SHMT1: variants seen among roughly 807,000 people sequenced by gnomAD.
SHMT1 encodes serine hydroxymethyltransferase, cytosolic.
A neutral mutation model predicts 49.0 loss-of-function variants in SHMT1; 45 were observed. The ratio of observed to expected loss-of-function variants is 0.92; its 90% CI spans 0.72 to 1.18. The LOEUF (loss-of-function observed/expected upper bound fraction) is 1.18, where lower values mean the gene tolerates loss of function less well. Among genes scored for constraint, SHMT1 ranks in the 50% most tolerant of loss-of-function variants. The probability of loss-of-function intolerance (pLI) is 0.00; values close to 1 mark genes in which losing one functional copy is unlikely to be tolerated. For synonymous variants in SHMT1, 232 were observed against 246.6 expected, an observed-to-expected ratio of 0.94 and a Z score of 0.55; for missense variants, 541 against 612.4, an observed-to-expected ratio of 0.88 and a Z score of 1.23.
At position 18,354,285 on chromosome 17, in the gene SHMT1, G is replaced by A. The variant is rs191282795; in HGVS notation, c.97-468C>T. 4.8e-3 allele frequency among the ~76,000 whole-genome samples: 727 copies of A among 152,342 alleles called. 3 individuals are homozygous for A. The highest frequency in any genetic ancestry group is 7.4e-3 in the Non-Finnish European group (503 of 68,038). On this transcript the variant is annotated intron_variant, in intron 2 of 11. Transcript: ENST00000316694. ...AAATACAAAATTAGCCGGGCATGGT[G>A]GCACATGCCTGTAATCCCAGCTACT...
chr17:18,330,690 A>G lies in SHMT1; in HGVS notation c.1055-19T>C, dbSNP rs1219443145. The G allele has an allele frequency of 1.3e-6, 2 of 1,545,902 alleles. No homozygotes were observed. The highest frequency in any genetic ancestry group is 1.8e-6 in the Non-Finnish European group (2 of 1,117,592). ...GAACCACCTGGAAACAAAGTTGGAC[A>G]TGTAGAAATGCAGGCGAATTCTATG... On this transcript the variant is annotated intron_variant, in intron 9 of 11. Coordinates refer to ENST00000316694, the MANE Select transcript of SHMT1 (RefSeq NM_004169.5).
chr17:18,332,939 T>C, intron 9 of SHMT1: 1 of 611,814 alleles, frequency 1.6e-6, no homozygotes, highest in Non-Finnish European at 3.0e-6. Context: ...TGGTGACCAA[T>C]GGCAACCACT....
At chr17:18,330,753 A>G in intron 9 of SHMT1, 82 bp from the exon 10 acceptor site, 1 of 987,648 alleles carries the variant, frequency 1.0e-6, no homozygotes, top group Non-Finnish European at 1.6e-6. Context: ...GCGAGGATGA[A>G]GGCAGTCAAA....
At chr17:18,345,828 GCAC>G (rs1985032443) in intron 5 of SHMT1, among the ~76,000 whole-genome samples, 1 of 151,272 alleles carries the variant, frequency 6.6e-6, no homozygotes, top group South Asian at 2.1e-4. Flanking sequence ...CTACGGGTGT[GCAC>G]CACCACACCT....
In SHMT1 at chr17:18,340,007, A is replaced by G; in HGVS notation, c.814+36T>C. 1 of 1,586,114 alleles carries G rather than the reference A, an allele frequency of 6.3e-7. No homozygotes were observed. Among genetic ancestry groups the G allele is most frequent in the Non-Finnish European group, 8.6e-7 (1 of 1,159,334 alleles). ...AACCCCCACAGGAGAAATGTAAACCATGGTACCCATCTGTACCCAACATTC... is the reference window on the plus strand; with the variant it reads ...AACCCCCACAGGAGAAATGTAAACCGTGGTACCCATCTGTACCCAACATTC... On this transcript the variant is annotated intron_variant, in intron 7 of 11. Transcript: ENST00000316694. The surrounding 1 kb of genome is among the most constrained non-coding windows in gnomAD (Gnocchi z 4.5).
chr17:18,357,688 A>G (rs887125541), intron 1 of SHMT1, among the ~76,000 whole-genome samples: 2 of 151,968 alleles, frequency 1.3e-5, no homozygotes, highest in African/African-American at 2.4e-5. Context: ...GTGTTAATTT[A>G]TTTCATACTT....
rs1986219347 is a variant in SHMT1 at position 18,356,131 on chromosome 17, C to A, written c.-19-131G>T. On this transcript the variant is annotated intron_variant, in intron 1 of 11. Transcript: ENST00000316694. ...GCAGTGGCATGATCTCGGCTCACTG[C>A]AACCTCCGTCTCCCAGGTTCAAGAG... 8.8e-6 allele frequency: 4 copies of A among 455,828 alleles called. No homozygotes were observed. In the Admixed American group the frequency reaches 1.3e-4, roughly 15 times the overall value. The allele number at this position is 455,828 out of a possible 1,614,324, so 28.2% of individuals were successfully genotyped here. A position where few individuals can be genotyped will look rare whatever the true frequency, so the allele number is the denominator to read the frequency against.
intron 1 of SHMT1, among the ~76,000 whole-genome samples, chr17:18,359,313 AG>A (rs1173101934): frequency 2.0e-5 from 3 of 151,444 alleles, no homozygotes; most frequent in Non-Finnish European, 4.4e-5. Flanking sequence ...TCAAGGCAGG[AG>A]GATCCTTTGA....
intron 5 of SHMT1, chr17:18,341,299 T>G (rs11868708): frequency 5.3e-6 from 1 of 188,876 alleles, no homozygotes; most frequent in Non-Finnish European, 1.1e-5. Flanking sequence ...AGGGGCCAAC[T>G]GTTAGAATAA....
intron 7 of SHMT1, among the ~76,000 whole-genome samples, chr17:18,336,695 A>T (rs1329763403): frequency 6.6e-6 from 1 of 152,036 alleles, no homozygotes; most frequent in African/African-American, 2.4e-5. Flanking sequence ...ATGTAATCCC[A>T]GCACTTTGGG....
At chr17:18,354,558 C>G (rs1456654062) in intron 2 of SHMT1, among the ~76,000 whole-genome samples, 1 of 151,168 alleles carries the variant, frequency 6.6e-6, no homozygotes, top group Non-Finnish European at 1.5e-5. Flanking sequence ...ATCGCGCCAT[C>G]GCACTCCAGC....
chr17:18,355,952 C>T lies in SHMT1; in HGVS notation c.30G>A (p.Lys10=), dbSNP rs746485826. The T allele has an allele frequency of 6.2e-7, 1 of 1,614,068 alleles. No homozygotes were observed. The highest frequency in any genetic ancestry group is 8.5e-7 in the Non-Finnish European group (1 of 1,179,964). The part of the protein sequence containing the change: MTMPVNGAH[K]DADLWSSHDK... ...CATGTGAGGACCACAGGTCAGCATC[C>T]TTGTGGGCCCCGTTGACTGGCATCG... The change falls in exon 2 of 12, where the codon AAG becomes AAA. Residue 10 remains lysine, a synonymous_variant. Transcript: ENST00000316694.
chr17:18,328,887 T>A lies in SHMT1; in HGVS notation c.1315A>T (p.Thr439Ser), dbSNP rs777687309. The A allele has an allele frequency of 6.2e-7, 1 of 1,613,972 alleles. No individual in the cohort carries two copies. Among genetic ancestry groups the A allele is most frequent in the Non-Finnish European group, 8.5e-7 (1 of 1,180,018 alleles). Residue 439 changes from threonine to serine, a missense_variant, in exon 12 of 12, where the codon ACT becomes TCT. Transcript: ENST00000316694. The stretch of plus-strand genomic sequence containing the variant: ...TCTTTCAGGGTGGCTCTGACACCAG[T>A]GTCGCTCTGGATCTGCAGGGTCAGC... ...IELTLQIQSD[T>S]GVRATLKEFK...
At position 18,333,215 on chromosome 17, in the gene SHMT1, G is replaced by A. The variant is rs772430489; in HGVS notation, c.1005C>T (p.Cys335=). 1 of 1,614,060 alleles carries A rather than the reference G, an allele frequency of 6.2e-7. No homozygotes were observed. The highest frequency in any genetic ancestry group is 1.1e-5 in the South Asian group (1 of 91,074). ...KVYQHQVVAN[C]RALSEALTEL... is the part of the protein sequence containing the mutation. ...CCGTCAGGGCCTCAGACAGAGCCCT[G>A]CAGTTGGCCACCACCTGGTGTTGAT... Residue 335 remains cysteine (C), a synonymous_variant, in exon 9 of 12, where the codon TGC becomes TGT. Transcript: ENST00000316694.
chr17:18,340,904 A>C lies in SHMT1; in HGVS notation c.520-91T>G. ...ACTTGAACTGGCTCCACCCACCATG[A>C]CAAGAGGAATGATGTCCTAGATGAG... On this transcript the variant is annotated intron_variant, in intron 5 of 11. Coordinates refer to ENST00000316694, the MANE Select transcript of SHMT1 (RefSeq NM_004169.5). This position sits in a 1 kb window ranked among gnomAD's most constrained non-coding sequence, Gnocchi z 4.5. The C allele has an allele frequency of 2.2e-6, 2 of 895,566 alleles. No homozygotes were observed. Among genetic ancestry groups the C allele is most frequent in the East Asian group, 5.3e-5 (2 of 38,018 alleles). The allele number at this position is 895,566 out of a possible 1,614,324, so 55.5% of individuals were successfully genotyped here.
At chr17:18,357,279 CAAAAA>C (rs10560620) in intron 1 of SHMT1, among the ~76,000 whole-genome samples, 24 of 89,546 alleles carry the variant, frequency 2.7e-4, no homozygotes, top group Non-Finnish European at 3.6e-4. Flanking sequence ...GACTCCACCT[CAAAAA>C]AAAAAAAAAA....
chr17:18,330,115 A>C (rs1253234982), intron 10 of SHMT1, among the ~76,000 whole-genome samples: 1 of 150,322 alleles, frequency 6.7e-6, no homozygotes, highest in Non-Finnish European at 1.5e-5. Context: ...CTGGGATTAC[A>C]GGTGTGAACC....
At chr17:18,351,147 T>A (rs1428852894) in intron 3 of SHMT1, among the ~76,000 whole-genome samples, 8 of 151,614 alleles carry the variant, frequency 5.3e-5, no homozygotes, top group Non-Finnish European at 1.2e-4. Context: ...TATTTTTATT[T>A]TTATTATTTT....
At chr17:18,362,907 C>T (rs1986904857) in intron 1 of SHMT1, 1 of 152,366 alleles carries the variant, frequency 6.6e-6, no homozygotes, top group Admixed American at 6.5e-5. Flanking sequence ...TTTAGGGGCG[C>T]AGGCTTTGAG....
Sources: gnomAD v4.1 joint callset for allele counts (sites outside exome capture counted in the v4.1 genomes callset) on GRCh38, gnomAD v4.1.1 for gene constraint, Gnocchi (gnomAD v3.1) non-coding constraint, MANE v1.5 for transcripts, NCBI Gene and HGNC (gene_info 2026-07-23, HGNC 2026-07-21) for gene names.